Variants in YJU2B observed in about 807,000 individuals in gnomAD.
YJU2B encodes the protein probable splicing factor YJU2B.
Under a neutral mutation model 38.0 loss-of-function variants are expected in YJU2B, and 18 were observed. That is an observed-to-expected ratio of 0.47 (90% CI 0.33 to 0.70). YJU2B has a LOEUF of 0.70. Ranked by LOEUF, YJU2B falls within the 30% of genes least tolerant of loss-of-function variation. The probability of loss-of-function intolerance (pLI) is 0.02; values close to 1 mark genes in which losing one functional copy is unlikely to be tolerated. For missense variants in YJU2B, 538 were observed against 556.3 expected, an observed-to-expected ratio of 0.97 and a Z score of 0.33; for synonymous variants, 246 against 225.4, an observed-to-expected ratio of 1.09 and a Z score of -0.82.
Position 13,763,126 on chromosome 19 carries a change from C to A in YJU2B, c.*58C>A. 1 of 1,407,196 alleles carries A rather than the reference C, an allele frequency of 7.1e-7. No individual in the cohort carries two copies. Among genetic ancestry groups the A allele is most frequent in the East Asian group, 2.3e-5 (1 of 43,056 alleles). The allele number at this position is 1,407,196 out of a possible 1,614,324, so 87.2% of individuals were successfully genotyped here. ...AGAGGCCCGGACACACCCAGGAGGCCCCTCACAGACTGCAGACCCCCGGCT... is the reference window on the plus strand; with the variant it reads ...AGAGGCCCGGACACACCCAGGAGGCACCTCACAGACTGCAGACCCCCGGCT... On this transcript the variant is annotated 3_prime_UTR_variant, in exon 10 of 10. Transcript: ENST00000221554.
chr19:13,732,754 A>G (rs1455366516), intron 2 of YJU2B, among the ~76,000 whole-genome samples: 1 of 148,770 alleles, frequency 6.7e-6, no homozygotes, highest in Non-Finnish European at 1.5e-5. Flanking sequence ...GACTACAGGC[A>G]TGCACCACCA....
intron 2 of YJU2B, among the ~76,000 whole-genome samples, chr19:13,734,790 A>G (rs953775092): frequency 6.6e-6 from 1 of 151,858 alleles, no homozygotes; most frequent in Non-Finnish European, 1.5e-5. Context: ...TCTGTTTTGT[A>G]GAAGTGAGGC....
At chr19:13,739,951 C>T (rs1019896994) in intron 2 of YJU2B, among the ~76,000 whole-genome samples, 18 of 152,070 alleles carry the variant, frequency 1.2e-4, no homozygotes, top group Non-Finnish European at 4.4e-5. Context: ...CCTGTGTCCA[C>T]GCGTTCTCAT....
chr19:13,739,470 AACTCT>A (rs74504326), intron 2 of YJU2B, among the ~76,000 whole-genome samples: 88,400 of 151,318 alleles, frequency 0.58, 25,915 homozygotes, highest in Middle Eastern at 0.71. Flanking sequence ...TTATTCCTTC[AACTCT>A]ACTCTATGGA....
Position 13,762,872 on chromosome 19 carries a change from C to G in YJU2B, c.995C>G (p.Ser332Cys). 2 of 1,609,694 alleles carry G rather than the reference C, an allele frequency of 1.2e-6. No individual in the cohort carries two copies. The highest frequency in any genetic ancestry group is 2.2e-5 in the East Asian group (1 of 44,760). Residue 332 changes from serine to cysteine, a missense_variant, in exon 10 of 10, where the codon TCC becomes TGC. Physicochemically the swap from Ser to Cys is moderately radical, Grantham distance 112. Coordinates refer to ENST00000221554, the MANE Select transcript of YJU2B (RefSeq NM_030818.4). ...PEEAAQDRPM[S>C]PGDCPPETTE... ...GAGGCTGCCCAGGACCGGCCCATGT[C>G]CCCCGGAGACTGTCCTCCGGAAACA...
At chr19:13,736,003 G>A (rs986221957) in intron 2 of YJU2B, among the ~76,000 whole-genome samples, 8 of 148,360 alleles carry the variant, frequency 5.4e-5, no homozygotes, top group Admixed American at 4.8e-4. Context: ...AGTGAGCCGA[G>A]ATCGCGCCAC....
Position 13,762,892 on chromosome 19 carries a change from G to A in YJU2B, c.1015G>A (p.Glu339Lys), listed in dbSNP as rs534603591. ...CATGTCCCCCGGAGACTGTCCTCCG[G>A]AAACAACTGAGACCCCCAAGTGCAG... ...RPMSPGDCPP[E>K]TTETPKCSSP... is the part of the protein sequence containing the mutation. Residue 339 changes from glutamate to lysine, a missense_variant, in exon 10 of 10, where the codon GAA becomes AAA. Glu to Lys is a moderately conservative substitution (Grantham distance 56). Transcript: ENST00000221554. 6.2e-7 allele frequency: 1 copy of A among 1,611,620 alleles called. No individual in the cohort carries two copies. Among genetic ancestry groups the A allele is most frequent in the South Asian group, 1.1e-5 (1 of 90,904 alleles).
In YJU2B at chr19:13,759,460, TAGAC is replaced by T. The variant is rs1009068526; in HGVS notation, c.573+192_573+195del. The T allele has an allele frequency of 5.9e-4, 326 of 548,634 alleles. No individual in the cohort carries two copies. The Middle Eastern group carries it at 8.9e-3, about 15-fold the overall frequency. 34.0% of individuals were successfully genotyped at this position (548,634 alleles called of 1,614,324 possible). A position where few individuals can be genotyped will look rare whatever the true frequency, so the allele number is the denominator to read the frequency against. Reference sequence around the variant, plus strand: ...CTGGCTACTATAATAAAAAATACCATAGACAGAAACAGTAGAAATTTGGCTGGGC... The same window carrying T: ...CTGGCTACTATAATAAAAAATACCATAGAAACAGTAGAAATTTGGCTGGGC... On this transcript the variant is annotated intron_variant, in intron 8 of 9. Transcript: ENST00000221554.
intron 2 of YJU2B, among the ~76,000 whole-genome samples, chr19:13,741,151 C>CTTTTT (rs71170552): frequency 4.0e-5 from 4 of 100,846 alleles, no homozygotes; most frequent in African/African-American, 7.8e-5. Context: ...TTATAGATTT[C>CTTTTT]TTTTTTTTTT....
chr19:13,748,523 C>A (rs922669837), intron 1 of YJU2B, among the ~76,000 whole-genome samples: 2 of 152,174 alleles, frequency 1.3e-5, no homozygotes, highest in Admixed American at 1.3e-4. Context: ...CACGCCCACC[C>A]GATAGCCCCG....
At chr19:13,756,630 T>C (rs1973677725) in intron 4 of YJU2B, among the ~76,000 whole-genome samples, 2 of 152,068 alleles carry the variant, frequency 1.3e-5, no homozygotes, top group South Asian at 4.1e-4. Flanking sequence ...GTGTTGTATC[T>C]CAACCTGTAG....
chr19:13,743,649 T>G (rs1169685204), upstream of YJU2B, among the ~76,000 whole-genome samples: 1 of 139,272 alleles, frequency 7.2e-6, no homozygotes, highest in East Asian at 2.1e-4. Flanking sequence ...TCCCAACACT[T>G]TGGGAGGCCA....
At chr19:13,744,036 C>A (rs4926314), upstream of YJU2B, among the ~76,000 whole-genome samples, 45,220 of 151,814 alleles carry the variant, frequency 0.3, 7,147 homozygotes, top group Middle Eastern at 0.52. Flanking sequence ...ACTATAGATA[C>A]AAAAATTAGC....
chr19:13,754,698 C>A (rs1238127406), intron 3 of YJU2B, among the ~76,000 whole-genome samples: 1 of 152,172 alleles, frequency 6.6e-6, no homozygotes, highest in East Asian at 1.9e-4. Context: ...ACCATACTCT[C>A]ACTTCCTTAA....
chr19:13,762,460 A>G (rs1428178794), intron 9 of YJU2B, 23 bp downstream of exon 9: 1 of 1,609,154 alleles, frequency 6.2e-7, no homozygotes, highest in Non-Finnish European at 8.5e-7. Context: ...CCAGGGGGAA[A>G]AGGGGACAGG....
Position 13,754,312 on chromosome 19 carries a change from G to A in YJU2B, c.27G>A (p.Lys9=), listed in dbSNP as rs776496891. 6.2e-6 allele frequency: 10 copies of A among 1,613,794 alleles called. No individual in the cohort carries two copies. Among genetic ancestry groups the A allele is most frequent in the Non-Finnish European group, 8.5e-6 (10 of 1,179,794 alleles). Residue 9 remains lysine (K), a synonymous_variant, in exon 3 of 10, where the codon AAG becomes AAA. Coordinates refer to ENST00000221554, the MANE Select transcript of YJU2B (RefSeq NM_030818.4). MGERKGVN[K]YYPPDFNPEK... is the part of the protein sequence containing the mutation. ...AGGGTGAAAGGAAAGGGGTCAACAA[G>A]TACTATCCTCCAGACTTCAACCCTG...
Position 13,763,049 on chromosome 19 carries a change from C to T in YJU2B, c.1172C>T (p.Ser391Phe), listed in dbSNP as rs780937753. ...GGCTCCTCCCTCGTGGCGGACTACTCCGACTCGGAGAGTGAGTGAGCGATC... is the reference window on the plus strand; with the variant it reads ...GGCTCCTCCCTCGTGGCGGACTACTTCGACTCGGAGAGTGAGTGAGCGATC... ...SLGSSLVADY[S>F]DSESE Residue 391 changes from serine to phenylalanine, a missense_variant, in exon 10 of 10, where the codon TCC becomes TTC. Ser to Phe is a radical substitution (Grantham distance 155). Around this residue, in one of 2 missense-constraint regions of YJU2B, gnomAD observed 488 missense variants for 469.5 expected, o/e 1.04. Transcript: ENST00000221554. The T allele has an allele frequency of 1.3e-6, 2 of 1,563,068 alleles. No individual in the cohort carries two copies. Among genetic ancestry groups the T allele is most frequent in the South Asian group, 2.4e-5 (2 of 83,222 alleles).
intron 6 of YJU2B, among the ~76,000 whole-genome samples, chr19:13,758,442 CAAAT>C (rs1234064009): frequency 7.1e-6 from 1 of 140,798 alleles, no homozygotes; most frequent in African/African-American, 2.5e-5. Context: ...AACTAGTGGA[CAAAT>C]GAATGAACAA....
intron 2 of YJU2B, among the ~76,000 whole-genome samples, chr19:13,752,559 C>T (rs910343532): frequency 6.6e-6 from 1 of 152,056 alleles, no homozygotes; most frequent in Non-Finnish European, 1.5e-5. Context: ...CCCTGGCCAA[C>T]GTGGTGAAAC....
Sources: gnomAD v4.1 joint callset for allele counts (sites outside exome capture counted in the v4.1 genomes callset) on GRCh38, gnomAD v4.1.1 for gene constraint, gnomAD v4.1.1 regional missense constraint, MANE v1.5 for transcripts, NCBI Gene and HGNC (gene_info 2026-07-23, HGNC 2026-07-21) for gene names.